NDNF: variants seen among roughly 807,000 people sequenced by gnomAD.
The protein encoded by NDNF is neuron derived neurotrophic factor, also known as protein NDNF.
A neutral mutation model predicts 42.0 loss-of-function variants in NDNF; 16 were observed. The ratio of observed to expected loss-of-function variants is 0.38; its 90% CI spans 0.26 to 0.58. The LOEUF (loss-of-function observed/expected upper bound fraction) is 0.58, where lower values mean the gene tolerates loss of function less well. NDNF is among the 20% of genes least tolerant of loss of function. NDNF has a pLI of 0.67. For synonymous variants in NDNF, 248 were observed against 251.7 expected (o/e 0.99, Z 0.14); for missense variants, 616 against 666.2 (o/e 0.92, Z 0.83).
intron 1 of NDNF, among the ~76,000 whole-genome samples, chr4:121,054,194 C>T (rs992173196): frequency 6.6e-6 from 1 of 152,086 alleles, no homozygotes; most frequent in Non-Finnish European, 1.5e-5. Flanking sequence ...TGTCAAATAT[C>T]GATGTCATAC....
At position 121,037,251 on chromosome 4, in the gene NDNF, T is replaced by A. The variant is rs1331620886; in HGVS notation, c.720A>T (p.Ala240=). 2 of 1,614,132 alleles carry A rather than the reference T, an allele frequency of 1.2e-6. No homozygotes were observed. The highest frequency in any genetic ancestry group is 1.7e-6 in the Non-Finnish European group (2 of 1,180,012). ...GGCTGAAGTCCAGACCAGGTTTCGG[T>A]GCCATCATAAAAGCATCATCTGCAC... is the stretch of plus-strand genomic sequence containing the variant. ...KLSADDAFMM[A]PKPGLDFSPF... Residue 240 remains alanine (A), a synonymous_variant, in exon 4 of 4, where the codon GCA becomes GCT. Transcript: ENST00000379692.
intron 1 of NDNF, 115 bp downstream of exon 1, chr4:121,071,878 C>A (rs1335965142): frequency 1.3e-5 from 2 of 152,060 alleles, no homozygotes; most frequent in African/African-American, 4.8e-5. Flanking sequence ...GGGGCGCGTG[C>A]CTCGAGCCCC....
chr4:121,036,845 A>C lies in NDNF; in HGVS notation c.1126T>G (p.Phe376Val). ...APVSSHQKVT[F>V]FIHSCLDAVQ... ...GCATCCAGACAAGAGTGAATAAAGAAGGTGACTTTTTGGTGAGAAGAGACT... is the reference window on the plus strand; with the variant it reads ...GCATCCAGACAAGAGTGAATAAAGACGGTGACTTTTTGGTGAGAAGAGACT... The change falls in exon 4 of 4, where the codon TTC (phenylalanine) becomes GTC (valine). Residue 376 changes from phenylalanine (F) to valine (V), a missense_variant. Coordinates refer to ENST00000379692, the MANE Select transcript of NDNF (RefSeq NM_024574.4). The C allele has an allele frequency of 6.2e-7, 1 of 1,614,168 alleles. No homozygotes were observed. The highest frequency in any genetic ancestry group is 8.5e-7 in the Non-Finnish European group (1 of 1,180,024).
At chr4:121,062,703 A>G (rs951711808) in intron 1 of NDNF, among the ~76,000 whole-genome samples, 1 of 151,876 alleles carries the variant, frequency 6.6e-6, no homozygotes, top group Non-Finnish European at 1.5e-5. Context: ...TTCTTCTCCT[A>G]TTTTTTTTCT....
intron 2 of NDNF, 80 bp downstream of exon 2, chr4:121,045,570 A>C (rs887737223): frequency 1.6e-6 from 2 of 1,242,560 alleles, no homozygotes; most frequent in Admixed American, 2.0e-5. Context: ...AATTACCTAA[A>C]CTAAGTCTAA....
At position 121,035,840 on chromosome 4, in the gene NDNF, A is replaced by T. The variant is rs561405003; in HGVS notation, c.*424T>A. 1 of 153,672 alleles carries T rather than the reference A, an allele frequency of 6.5e-6. No homozygotes were observed. The highest frequency in any genetic ancestry group is 2.1e-4 in the South Asian group (1 of 4,856). The allele number at this position is 153,672 out of a possible 1,614,324, so 9.5% of individuals were successfully genotyped here. ...AATTTAATAGTTTACAATCATAGAAACACTGACATTTAAAACAAGAATTTA... is the reference window on the plus strand; with the variant it reads ...AATTTAATAGTTTACAATCATAGAATCACTGACATTTAAAACAAGAATTTA... On this transcript the variant is annotated 3_prime_UTR_variant, in exon 4 of 4. Transcript: ENST00000379692.
chr4:121,063,538 T>C (rs922906631), intron 1 of NDNF, among the ~76,000 whole-genome samples: 1 of 152,162 alleles, frequency 6.6e-6, no homozygotes, highest in Non-Finnish European at 1.5e-5. Context: ...CGGATTTGAA[T>C]GACTGGGTTA....
intron 1 of NDNF, among the ~76,000 whole-genome samples, chr4:121,046,162 G>A (rs1342968667): frequency 3.3e-5 from 5 of 152,188 alleles, no homozygotes; most frequent in African/African-American, 1.2e-4. Flanking sequence ...GGACATTGTA[G>A]ATAACGCTAT....
At chr4:121,053,331 C>T (rs1727232588) in intron 1 of NDNF, among the ~76,000 whole-genome samples, 2 of 152,308 alleles carry the variant, frequency 1.3e-5, no homozygotes, top group South Asian at 4.1e-4. Flanking sequence ...CTCTGAGTCT[C>T]ATGATGCAGA....
chr4:121,062,047 C>A (rs1727421168), intron 1 of NDNF, among the ~76,000 whole-genome samples: 1 of 152,166 alleles, frequency 6.6e-6, no homozygotes, highest in Non-Finnish European at 1.5e-5. Context: ...CTGGTTGCAA[C>A]ATTTTATTCG....
Position 121,036,295 on chromosome 4 carries a change from C to T in NDNF, c.1676G>A (p.Ser559Asn). ...GAACTTTCTAGTTTTCACAACCTTA[C>T]TCTGATACTTTACAGAGTGCCCCCC... ...GHGGHSVKYQ[S>N]KVVKTRKFC The change falls in exon 4 of 4, where the codon AGT becomes AAT. Residue 559 changes from serine (S) to asparagine (N), a missense_variant. Coordinates refer to ENST00000379692, the MANE Select transcript of NDNF (RefSeq NM_024574.4). 1 of 1,611,984 alleles carries T rather than the reference C, an allele frequency of 6.2e-7. No homozygotes were observed. The highest frequency in any genetic ancestry group is 1.1e-5 in the South Asian group (1 of 90,526).
chr4:121,047,705 AAG>A (rs1229647155), intron 1 of NDNF, among the ~76,000 whole-genome samples: 1 of 152,168 alleles, frequency 6.6e-6, no homozygotes, highest in Non-Finnish European at 1.5e-5. Context: ...CAGTTTTTTG[AAG>A]AGTTTGGATG....
chr4:121,072,293 G>A lies in NDNF; in HGVS notation c.-302C>T, dbSNP rs1380383002. On this transcript the variant is annotated 5_prime_UTR_variant, in exon 1 of 4. Coordinates refer to ENST00000379692, the MANE Select transcript of NDNF (RefSeq NM_024574.4). ...CGCGGGGCTGGGGAATCCCGGGGCA[G>A]CGCCGAGAAGCGGCGGGAGGTCCTT... The A allele has an allele frequency of 6.6e-6, 1 of 151,808 alleles. No individual in the cohort carries two copies. The highest frequency in any genetic ancestry group is 1.5e-5 in the Non-Finnish European group (1 of 68,044). 9.4% of individuals were successfully genotyped at this position (151,808 alleles called of 1,614,324 possible). A position where few individuals can be genotyped will look rare whatever the true frequency, so the allele number is the denominator to read the frequency against.
intron 1 of NDNF, among the ~76,000 whole-genome samples, chr4:121,052,184 T>C (rs1338199208): frequency 6.6e-6 from 1 of 152,206 alleles, no homozygotes; most frequent in East Asian, 1.9e-4. Flanking sequence ...CTTTACATAT[T>C]ATAAAATTTA....
In NDNF at chr4:121,049,609, T is replaced by TA. The variant is rs555659922; in HGVS notation, c.-1-3772dup. Among the ~76,000 whole-genome samples the TA allele has an allele frequency of 1.5e-3, 233 of 152,336 alleles. 1 individual carries two copies. The highest frequency in any genetic ancestry group is 5.1e-3 in the African/African-American group (212 of 41,590). On this transcript the variant is annotated intron_variant, in intron 1 of 3. Coordinates refer to ENST00000379692, the MANE Select transcript of NDNF (RefSeq NM_024574.4). ...CTAATTTATTAGCTTGCAAGTGGGC[T>TA]AAAATCTCAAGTCTTTCATAGTCTT... is the stretch of plus-strand genomic sequence containing the variant.
intron 1 of NDNF, among the ~76,000 whole-genome samples, chr4:121,060,325 C>T (rs1320718186): frequency 6.6e-6 from 1 of 151,978 alleles, no homozygotes; most frequent in Non-Finnish European, 1.5e-5. Flanking sequence ...TGACTACAGG[C>T]ACGTGTCACC....
At chr4:121,038,598 C>T (rs1348408147) in intron 3 of NDNF, among the ~76,000 whole-genome samples, 2 of 152,134 alleles carry the variant, frequency 1.3e-5, no homozygotes, top group Middle Eastern at 3.4e-3. Flanking sequence ...GAGAAGAAAC[C>T]TTTTCCAGCT....
chr4:121,045,357 A>G (rs1306926958), intron 2 of NDNF, among the ~76,000 whole-genome samples: 12 of 147,864 alleles, frequency 8.1e-5, no homozygotes, highest in African/African-American at 3.0e-4. Context: ...GTCTCAGGGA[A>G]AAAAAAAAAA....
rs138497657 is a variant in NDNF, at chr4:121,056,357, G to A, written c.-1-10519C>T. ...AGAGAGTAAGGAAGTGACTGGCAGC[G>A]TCTTTAGGATGGACACCAAGCTTTG... On this transcript the variant is annotated intron_variant, in intron 1 of 3. Transcript: ENST00000379692. Among the ~76,000 whole-genome samples, 974 of 152,276 alleles carry A rather than the reference G, an allele frequency of 6.4e-3. 10 individuals are homozygous for A. Among genetic ancestry groups the A allele is most frequent in the African/African-American group, 0.022 (897 of 41,536 alleles).
Sources: allele counts gnomAD v4.1 joint callset (sites outside exome capture counted in the v4.1 genomes callset), GRCh38; gene constraint gnomAD v4.1.1; transcripts MANE v1.5; gene names NCBI Gene and HGNC (gene_info 2026-07-23, HGNC 2026-07-21).